The following EHBP1 variants were observed in gnomAD, a reference collection of about 807,000 sequenced individuals.
The protein encoded by EHBP1 is EH domain binding protein 1.
In EHBP1, 55 loss-of-function variants were observed where a neutral mutation model predicts 144.0. The observed-to-expected ratio is 0.38, with a 90% confidence interval of 0.31 to 0.48. The LOEUF (loss-of-function observed/expected upper bound fraction) is 0.48. EHBP1 is among the 20% of genes least tolerant of loss of function. The probability of loss-of-function intolerance (pLI) is 0.98; values close to 1 mark genes in which losing one functional copy is unlikely to be tolerated. For synonymous variants in EHBP1, 469 were observed against 472.7 expected, an observed-to-expected ratio of 0.99 and a Z score of 0.10; for missense variants, 1,200 against 1,364.2, an observed-to-expected ratio of 0.88 and a Z score of 1.90.
At chr2:62,843,531 T>A (rs2048072721) in intron 7 of EHBP1, among the ~76,000 whole-genome samples, 1 of 152,242 alleles carries the variant, frequency 6.6e-6, no homozygotes, top group Non-Finnish European at 1.5e-5. Flanking sequence ...GCATATTTTT[T>A]ATTTGATATT....
At chr2:63,036,241 A>C (rs1255477109) in intron 19 of EHBP1, among the ~76,000 whole-genome samples, 1 of 152,076 alleles carries the variant, frequency 6.6e-6, no homozygotes, top group East Asian at 1.9e-4. Context: ...AGAATGAGAT[A>C]GATATTTGGA....
At chr2:63,011,586 A>G (rs1326969182) in intron 19 of EHBP1, among the ~76,000 whole-genome samples, 3 of 152,004 alleles carry the variant, frequency 2.0e-5, no homozygotes, top group Non-Finnish European at 2.9e-5. Context: ...CATTACAGCA[A>G]TCTTGGTATT....
chr2:62,696,742 C>T (rs2034114502), intron 1 of EHBP1, among the ~76,000 whole-genome samples: 1 of 151,846 alleles, frequency 6.6e-6, no homozygotes, highest in Admixed American at 6.6e-5. Flanking sequence ...TGGTCTTCAT[C>T]TCTTGACCTC....
chr2:62,881,546 AT>A (rs2051424612), intron 10 of EHBP1: 1 of 152,184 alleles, frequency 6.6e-6, no homozygotes, highest in Non-Finnish European at 1.5e-5. Flanking sequence ...CTTTATACAA[AT>A]ATAAAGGAAG....
At chr2:62,737,081 G>A (rs1350258748) in intron 2 of EHBP1, among the ~76,000 whole-genome samples, 1 of 152,154 alleles carries the variant, frequency 6.6e-6, no homozygotes, top group Non-Finnish European at 1.5e-5. Flanking sequence ...TTAGCGCTTA[G>A]GTGGGGCAGG....
intron 10 of EHBP1, among the ~76,000 whole-genome samples, chr2:62,931,742 T>G (rs1238601921): frequency 6.6e-6 from 1 of 152,224 alleles, no homozygotes; most frequent in Non-Finnish European, 1.5e-5. Context: ...CCTTGTCCAA[T>G]GTATCCATGC....
chr2:62,953,524 C>T (rs1017134865), intron 13 of EHBP1, among the ~76,000 whole-genome samples: 19 of 150,520 alleles, frequency 1.3e-4, no homozygotes, highest in Non-Finnish European at 2.5e-4. Flanking sequence ...ACTCCAGCCT[C>T]GGTGACAGAG....
chr2:62,774,885 A>G (rs901952822), intron 5 of EHBP1, among the ~76,000 whole-genome samples: 4 of 152,180 alleles, frequency 2.6e-5, no homozygotes, highest in African/African-American at 9.6e-5. Flanking sequence ...CAAGTTAACA[A>G]ATCTCATCGC....
intron 2 of EHBP1, 92 bp from the exon 3 acceptor site, chr2:62,747,303 A>C (rs1266634399): frequency 5.4e-5 from 59 of 1,088,462 alleles, no homozygotes; most frequent in Non-Finnish European, 7.7e-5. Context: ...ATGTAGCCTA[A>C]AGCAGATGAC....
chr2:62,800,084 T>C (rs1216676019), intron 5 of EHBP1, among the ~76,000 whole-genome samples: 1 of 152,236 alleles, frequency 6.6e-6, no homozygotes, highest in Non-Finnish European at 1.5e-5. Flanking sequence ...GCCAGTCATG[T>C]CCAGCCCATA....
intron 10 of EHBP1, among the ~76,000 whole-genome samples, chr2:62,934,916 A>G (rs2056262138): frequency 6.6e-6 from 1 of 152,122 alleles, no homozygotes; most frequent in African/African-American, 2.4e-5. Context: ...GAGAAGGTAA[A>G]CTTGAGAGCA....
chr2:62,723,216 A>G (rs998949156), intron 2 of EHBP1, among the ~76,000 whole-genome samples: 1 of 151,092 alleles, frequency 6.6e-6, no homozygotes, highest in South Asian at 2.1e-4. Context: ...TTCTTGTTGA[A>G]CCCTTTACCA....
chr2:62,886,871 C>A (rs1032195038), intron 10 of EHBP1, among the ~76,000 whole-genome samples: 3 of 152,074 alleles, frequency 2.0e-5, no homozygotes, highest in African/African-American at 7.2e-5. Flanking sequence ...TATATGTTGA[C>A]CCTATCACAA....
intron 10 of EHBP1, among the ~76,000 whole-genome samples, chr2:62,886,908 A>G (rs1467601330): frequency 6.6e-6 from 1 of 152,192 alleles, no homozygotes; most frequent in Non-Finnish European, 1.5e-5. Context: ...TATTTTTAAT[A>G]AAATGAGTCT....
At chr2:63,034,106 G>GA (rs1055977353) in intron 19 of EHBP1, among the ~76,000 whole-genome samples, 3 of 151,910 alleles carry the variant, frequency 2.0e-5, no homozygotes, top group African/African-American at 7.2e-5. Flanking sequence ...AACAAAGTAG[G>GA]AAAAAATATT....
intron 19 of EHBP1, among the ~76,000 whole-genome samples, chr2:63,004,167 G>A (rs2059945113): frequency 6.6e-6 from 1 of 150,798 alleles, no homozygotes; most frequent in Non-Finnish European, 1.5e-5. Flanking sequence ...TTTTCCTTCT[G>A]TACAAATTTA....
At chr2:62,954,761 A>T (rs1289273621) in intron 13 of EHBP1, among the ~76,000 whole-genome samples, 1 of 152,164 alleles carries the variant, frequency 6.6e-6, no homozygotes, top group East Asian at 1.9e-4. Flanking sequence ...AGTAAAAGAA[A>T]TTAAGTATCT....
intron 10 of EHBP1, among the ~76,000 whole-genome samples, chr2:62,938,542 A>G (rs1203131622): frequency 6.6e-6 from 1 of 152,210 alleles, no homozygotes; most frequent in Non-Finnish European, 1.5e-5. Context: ...AGGTAGCTTT[A>G]TTACCGTTCA....
chr2:62,896,411 G>A (rs2052939690), intron 10 of EHBP1, among the ~76,000 whole-genome samples: 1 of 152,166 alleles, frequency 6.6e-6, no homozygotes, highest in Non-Finnish European at 1.5e-5. Flanking sequence ...ATCATGCGTG[G>A]TGGAAAGCCA....
Sources: allele counts gnomAD v4.1 joint callset (sites outside exome capture counted in the v4.1 genomes callset), GRCh38; gene constraint gnomAD v4.1.1; transcripts MANE v1.5; gene names NCBI Gene and HGNC (gene_info 2026-07-23, HGNC 2026-07-21).